The following ASB18 variants were observed in gnomAD, a reference collection of about 807,000 sequenced individuals.
The protein encoded by ASB18 is ankyrin repeat and SOCS box containing 18, also known as ankyrin repeat and SOCS box protein 18.
Under a neutral mutation model 33.4 loss-of-function variants are expected in ASB18, and 33 were observed. The observed-to-expected ratio is 0.99, with a 90% CI of 0.75 to 1.32. The LOEUF is 1.32. Ranked by LOEUF, ASB18 falls within the 40% of genes most tolerant of loss-of-function variation. ASB18 has a pLI of 0.00. For missense variants in ASB18, 694 were observed against 655.5 expected, an observed-to-expected ratio of 1.06 and a Z score of -0.64; for synonymous variants, 295 against 307.6, an observed-to-expected ratio of 0.96 and a Z score of 0.43.
rs1234421663 is a variant in ASB18, at chr2:236,196,278, T to C, written c.1209A>G (p.Val403=). ...AGAAAGGCAGCCCTCTTGCCTGGAATACTTCCTCAGGAATCACTTCCTTCC... is the reference window on the plus strand; with the variant it reads ...AGAAAGGCAGCCCTCTTGCCTGGAACACTTCCTCAGGAATCACTTCCTTCC... The part of the protein sequence containing the change: ...ESWKEVIPEE[V]FQMHKPFYQS... The change falls in exon 5 of 6, where the codon GTA becomes GTG. Residue 403 remains valine, a synonymous_variant. Coordinates refer to ENST00000409749, the MANE Select transcript of ASB18 (RefSeq NM_212556.4). This position sits in a 1 kb window ranked among gnomAD's most constrained non-coding sequence, Gnocchi z 5.6. 6.5e-7 allele frequency: 1 copy of C among 1,542,304 alleles called. No individual in the cohort carries two copies. Among genetic ancestry groups the C allele is most frequent in the Non-Finnish European group, 8.8e-7 (1 of 1,137,036 alleles).
rs2060608161 is a variant in ASB18, at chr2:236,238,710, A to G, written c.329-754T>C. Among the ~76,000 whole-genome samples the G allele has an allele frequency of 6.6e-6, 1 of 152,062 alleles. No homozygotes were observed. The highest frequency in any genetic ancestry group is 2.4e-5 in the African/African-American group (1 of 41,402). On this transcript the variant is annotated intron_variant, in intron 2 of 5. Coordinates refer to ENST00000409749, the MANE Select transcript of ASB18 (RefSeq NM_212556.4). This position sits in a 1 kb window ranked among gnomAD's most constrained non-coding sequence, Gnocchi z 5.2. ...TCTGAAAACTTTGGCACTTTCAAAA[A>G]GCCCGTGGAAGGTTGTTAGCGGCCA...
rs374682574 is a variant in ASB18 at position 236,208,831 on chromosome 2, G to A, written c.1101+5531C>T. The stretch of plus-strand genomic sequence containing the variant: ...TCTCCGCGGCCTCCTTGCTGTCTGC[G>A]GAGAGGCGGCTGCCACATTACTCTG... On this transcript the variant is annotated intron_variant, in intron 4 of 5. Coordinates refer to ENST00000409749, the MANE Select transcript of ASB18 (RefSeq NM_212556.4). The surrounding 1 kb of genome is among the most constrained non-coding windows in gnomAD (Gnocchi z 7.7). 1.3e-5 allele frequency among the ~76,000 whole-genome samples: 2 copies of A among 152,182 alleles called. No individual in the cohort carries two copies. Among genetic ancestry groups the A allele is most frequent in the African/African-American group, 2.4e-5 (1 of 41,440 alleles).
chr2:236,202,814 T>TATATATATATATACACAC (rs1472095135), intron 4 of ASB18, among the ~76,000 whole-genome samples: 165 of 126,220 alleles, frequency 1.3e-3, no homozygotes, highest in African/African-American at 4.8e-3. Flanking sequence ...TATATATATA[T>TATATATATATATACACAC]ACACACACCT....
chr2:236,246,612 C>A (rs961529056), intron 1 of ASB18, among the ~76,000 whole-genome samples: 1 of 152,010 alleles, frequency 6.6e-6, no homozygotes, highest in Non-Finnish European at 1.5e-5. Context: ...AACTTAGAGC[C>A]TTCGTTGGAG....
rs2060724653 is a variant in ASB18, at chr2:236,262,646, C to T, written c.205+1495G>A. Among the ~76,000 whole-genome samples, 1 of 152,142 alleles carries T rather than the reference C, an allele frequency of 6.6e-6. No homozygotes were observed. The highest frequency in any genetic ancestry group is 2.1e-4 in the South Asian group (1 of 4,824). The stretch of plus-strand genomic sequence containing the variant: ...GCCTAAAGGGTGAATGCAAGATGTA[C>T]AGCTCAGCACTCCCAGTCCAATCAC... On this transcript the variant is annotated intron_variant, in intron 1 of 5. Transcript: ENST00000409749. The surrounding 1 kb of genome is among the most constrained non-coding windows in gnomAD (Gnocchi z 5.2).
At chr2:236,254,227 G>C (rs1233386952) in intron 1 of ASB18, 1 of 152,192 alleles carries the variant, frequency 6.6e-6, no homozygotes, top group East Asian at 1.9e-4. Flanking sequence ...CCAGCTTGCT[G>C]TAGGCAGTAC....
rs13430698 is a variant in ASB18 at position 236,245,296 on chromosome 2, G to C, written c.206-3894C>G. ...ACCCACTGCTAGTGACTCTGTGTCA[G>C]GTGTATCCCTGCAGGTTGATACCCT... On this transcript the variant is annotated intron_variant, in intron 1 of 5. Coordinates refer to ENST00000409749, the MANE Select transcript of ASB18 (RefSeq NM_212556.4). This position sits in a 1 kb window ranked among gnomAD's most constrained non-coding sequence, Gnocchi z 4.7. Among the ~76,000 whole-genome samples, 638 of 152,240 alleles carry C rather than the reference G, an allele frequency of 4.2e-3. 2 individuals are homozygous for C. Among genetic ancestry groups the C allele is most frequent in the African/African-American group, 0.014 (602 of 41,548 alleles).
chr2:236,199,594 G>C (rs2060389529), intron 4 of ASB18, among the ~76,000 whole-genome samples: 1 of 150,502 alleles, frequency 6.6e-6, no homozygotes, highest in South Asian at 2.1e-4. Context: ...GATCAGGCTA[G>C]ATCTTCACCG....
At chr2:236,261,914 A>G (rs2060720468) in intron 1 of ASB18, among the ~76,000 whole-genome samples, 1 of 152,114 alleles carries the variant, frequency 6.6e-6, no homozygotes, top group Non-Finnish European at 1.5e-5. Flanking sequence ...ATTCACTACC[A>G]CAATAATCGT....
rs1398978090 is a variant in ASB18 at position 236,196,328 on chromosome 2, G to C, written c.1159C>G (p.Pro387Ala). 6.4e-7 allele frequency: 1 copy of C among 1,567,258 alleles called. No homozygotes were observed. Among genetic ancestry groups the C allele is most frequent in the Non-Finnish European group, 8.7e-7 (1 of 1,155,358 alleles). Reference protein sequence around the residue: ...AVIEVLFNSYPQLCLSESWKE... With the variant: ...AVIEVLFNSYAQLCLSESWKE... ...CAGGACTCTGACAAGCAGAGCTGAG[G>C]GTAGGAGTTGAAAAGCACCTCGATG... is the stretch of plus-strand genomic sequence containing the variant. The change falls in exon 5 of 6, where the codon CCT becomes GCT. Residue 387 changes from proline (P) to alanine (A), a missense_variant. Pro to Ala is a conservative substitution (Grantham distance 27). Transcript: ENST00000409749. This position sits in a 1 kb window ranked among gnomAD's most constrained non-coding sequence, Gnocchi z 5.6.
chr2:236,233,195 T>C (rs1559334104), intron 3 of ASB18, among the ~76,000 whole-genome samples: 1 of 152,134 alleles, frequency 6.6e-6, no homozygotes, highest in Non-Finnish European at 1.5e-5. Flanking sequence ...TACCTCATGA[T>C]TATCTCCATA....
intron 4 of ASB18, among the ~76,000 whole-genome samples, chr2:236,212,974 T>C (rs974629989): frequency 1.3e-5 from 2 of 152,134 alleles, no homozygotes; most frequent in Non-Finnish European, 2.9e-5. Flanking sequence ...GGCTGAAGTG[T>C]GTGTTGGTTT....
At position 236,214,268 on chromosome 2, in the gene ASB18, A is replaced by G; in HGVS notation, c.1101+94T>C. ...TCCCCAGGGGTGCCTGGGCCATTAC[A>G]CTTTGAGAGCGCCGCATGCAACCCA... is the stretch of plus-strand genomic sequence containing the variant. On this transcript the variant is annotated intron_variant, in intron 4 of 5. Transcript: ENST00000409749. This position sits in a 1 kb window ranked among gnomAD's most constrained non-coding sequence, Gnocchi z 6.5. The G allele has an allele frequency of 4.5e-6, 6 of 1,335,892 alleles. No homozygotes were observed. Among genetic ancestry groups the G allele is most frequent in the South Asian group, 1.4e-5 (1 of 71,532 alleles). The allele number at this position is 1,335,892 out of a possible 1,614,324, so 82.8% of individuals were successfully genotyped here.
Position 236,205,748 on chromosome 2 carries a change from G to C in ASB18, c.1101+8614C>G, listed in dbSNP as rs1249898491. The stretch of plus-strand genomic sequence containing the variant: ...TTTTATGAACCCTTGATATCTAAAA[G>C]TGTCTTTCATCATCAAAATGAAAGT... On this transcript the variant is annotated intron_variant, in intron 4 of 5. Transcript: ENST00000409749. The surrounding 1 kb of genome is among the most constrained non-coding windows in gnomAD (Gnocchi z 5.4). Among the ~76,000 whole-genome samples the C allele has an allele frequency of 1.3e-5, 2 of 152,166 alleles. No individual in the cohort carries two copies. The highest frequency in any genetic ancestry group is 2.9e-5 in the Non-Finnish European group (2 of 68,030).
chr2:236,253,211 G>A lies in ASB18; in HGVS notation c.205+10930C>T, dbSNP rs1158296494. On this transcript the variant is annotated intron_variant, in intron 1 of 5. Coordinates refer to ENST00000409749, the MANE Select transcript of ASB18 (RefSeq NM_212556.4). The surrounding 1 kb of genome is among the most constrained non-coding windows in gnomAD (Gnocchi z 5.4). ...GCACACAAGAGGACAGGAAGCAGCA[G>A]AAGAGGCAGATGTGCAAACGCCAGG... Among the ~76,000 whole-genome samples the A allele has an allele frequency of 6.6e-6, 1 of 152,212 alleles. No individual in the cohort carries two copies.
In ASB18 at chr2:236,195,642, A is replaced by G. The variant is rs1447760394; in HGVS notation, c.1216-585T>C. ...GCGATTCTCCTGCCTTAGCCTCCTG[A>G]GTAACTGGCATTACAGGCGCTTGCC... On this transcript the variant is annotated intron_variant, in intron 5 of 5. Transcript: ENST00000409749. The surrounding 1 kb of genome is among the most constrained non-coding windows in gnomAD (Gnocchi z 5.5). Among the ~76,000 whole-genome samples, 1 of 151,758 alleles carries G rather than the reference A, an allele frequency of 6.6e-6. No homozygotes were observed. The highest frequency in any genetic ancestry group is 1.5e-5 in the Non-Finnish European group (1 of 67,990).
chr2:236,218,306 G>C (rs2106270646), intron 3 of ASB18, among the ~76,000 whole-genome samples: 1 of 151,518 alleles, frequency 6.6e-6, no homozygotes, highest in South Asian at 2.1e-4. Context: ...CAGAACCACG[G>C]GCATGGGAAA....
rs1312248844 is a variant in ASB18, at chr2:236,203,302, G to A, written c.1102-6917C>T. On this transcript the variant is annotated intron_variant, in intron 4 of 5. Coordinates refer to ENST00000409749, the MANE Select transcript of ASB18 (RefSeq NM_212556.4). The surrounding 1 kb of genome is among the most constrained non-coding windows in gnomAD (Gnocchi z 6.0). ...CAAGCCGAGACCTGGCTCTGGAGCA[G>A]GAGTTAGCAGGGGGAAAAAAAGGCA... Among the ~76,000 whole-genome samples, 1 of 152,194 alleles carries A rather than the reference G, an allele frequency of 6.6e-6. No homozygotes were observed. Among genetic ancestry groups the A allele is most frequent in the African/African-American group, 2.4e-5 (1 of 41,450 alleles).
In ASB18 at chr2:236,235,153, G is replaced by T. The variant is rs2060582407; in HGVS notation, c.596+2536C>A. On this transcript the variant is annotated intron_variant, in intron 3 of 5. Transcript: ENST00000409749. This position sits in a 1 kb window ranked among gnomAD's most constrained non-coding sequence, Gnocchi z 6.2. ...AGATTTGAACTGACACTTTACCAAA[G>T]AAGATACAGTCATGTCCCTTATAAC... Among the ~76,000 whole-genome samples the T allele has an allele frequency of 2.0e-5, 3 of 152,176 alleles. No individual in the cohort carries two copies. Among genetic ancestry groups the T allele is most frequent in the Admixed American group, 2.0e-4 (3 of 15,282 alleles).
Sources: gnomAD v4.1 joint callset for allele counts (sites outside exome capture counted in the v4.1 genomes callset) on GRCh38, gnomAD v4.1.1 for gene constraint, Gnocchi (gnomAD v3.1) non-coding constraint, MANE v1.5 for transcripts, NCBI Gene and HGNC (gene_info 2026-07-23, HGNC 2026-07-21) for gene names.